The following TMEM40 variants were observed in gnomAD, a reference collection of about 807,000 sequenced individuals.
TMEM40 encodes transmembrane protein 40.
In TMEM40, 34 loss-of-function variants were observed where a neutral mutation model predicts 40.8. That is an observed-to-expected ratio of 0.83 (90% CI 0.63 to 1.11). The LOEUF is 1.11. TMEM40 is among the 50% of genes least tolerant of loss of function. The pLI, the probability that TMEM40 is intolerant of heterozygous loss-of-function variation, is 0.00. For missense variants in TMEM40, 296 were observed against 280.2 expected, an observed-to-expected ratio of 1.06 and a Z score of -0.40; for synonymous variants, 106 against 107.0, an observed-to-expected ratio of 0.99 and a Z score of 0.06.
intron 5 of TMEM40, chr3:12,738,824 C>A: frequency 2.0e-6 from 1 of 489,144 alleles, no homozygotes; most frequent in Admixed American, 3.2e-5. Context: ...GTCAATTTCC[C>A]CAGAGAAGCC....
In TMEM40 at chr3:12,752,810, A is replaced by AG. The variant is rs547680107; in HGVS notation, c.-8-2971_-8-2970insC. ...AGGGCAAGACTCTGTCTCAAAAAAA[A>AG]AAAGAAAGAAAGAAAGAAAGAAACT... On this transcript the variant is annotated intron_variant, in intron 1 of 11. Transcript: ENST00000314124. 3.5e-3 allele frequency among the ~76,000 whole-genome samples: 539 copies of AG among 152,040 alleles called. 4 individuals carry two copies. Among genetic ancestry groups the AG allele is most frequent in the African/African-American group, 0.012 (499 of 41,466 alleles).
In TMEM40 at chr3:12,749,804, G is replaced by T. The variant is rs765614026; in HGVS notation, c.29C>A (p.Pro10His). The T allele has an allele frequency of 5.0e-6, 8 of 1,614,090 alleles. No individual in the cohort carries two copies. Among genetic ancestry groups the T allele is most frequent in the Admixed American group, 1.7e-5 (1 of 60,002 alleles). Residue 10 changes from proline to histidine, a missense_variant, in exon 2 of 12, where the codon CCT becomes CAT. By Grantham distance (77) the Pro-to-His change is moderately conservative. Coordinates refer to ENST00000314124, the MANE Select transcript of TMEM40 (RefSeq NM_018306.4). ...TCTGTGGACTTGACTGTTGTCCTGA[G>T]GCTGGGAGGAGGATGCTGAAGTCTC... METSASSSQPQDNSQVHRET... is the reference protein window; with the variant it reads METSASSSQHQDNSQVHRET...
chr3:12,762,062 G>A (rs540453810), upstream of TMEM40, among the ~76,000 whole-genome samples: 1 of 151,904 alleles, frequency 6.6e-6, no homozygotes, highest in African/African-American at 2.4e-5. Context: ...AAATGGGCTC[G>A]AGTGATCCTC....
rs2061352085 is a variant in TMEM40 at position 12,738,178 on chromosome 3, A to G, written c.392-10T>C. 6.2e-7 allele frequency: 1 copy of G among 1,613,956 alleles called. No individual in the cohort carries two copies. Among genetic ancestry groups the G allele is most frequent in the South Asian group, 1.1e-5 (1 of 90,984 alleles). ...CCTCTCCTTCGGAGTCCTGGAAACA[A>G]GAAACTCAACATTAGTGCCCAACCC... On this transcript the variant is annotated splice_polypyrimidine_tract_variant and intron_variant, in intron 6 of 11. Transcript: ENST00000314124.
intron 1 of TMEM40, among the ~76,000 whole-genome samples, chr3:12,752,208 C>T (rs1317959637): frequency 6.6e-6 from 1 of 152,166 alleles, no homozygotes; most frequent in Admixed American, 6.6e-5. Flanking sequence ...CCTGCCTCAA[C>T]CTTCTGAGTA....
chr3:12,741,947 AT>A (rs1234040959), intron 5 of TMEM40, among the ~76,000 whole-genome samples: 3 of 152,004 alleles, frequency 2.0e-5, no homozygotes, highest in Non-Finnish European at 4.4e-5. Context: ...AATACAAAAA[AT>A]TGGCCGGGCG....
intron 1 of TMEM40, among the ~76,000 whole-genome samples, chr3:12,750,103 T>G (rs752033205): frequency 4.0e-5 from 6 of 151,472 alleles, no homozygotes; most frequent in Non-Finnish European, 8.8e-5. Flanking sequence ...TCAGTTTTTA[T>G]CTGTGCCTGA....
chr3:12,764,728 C>G (rs1167552995), intron 1 of TMEM40, among the ~76,000 whole-genome samples: 1 of 152,170 alleles, frequency 6.6e-6, no homozygotes, highest in Non-Finnish European at 1.5e-5. Flanking sequence ...AGTTGGATCT[C>G]GTTACCTGAG....
At chr3:12,737,173 C>G (rs992954413) in intron 8 of TMEM40, among the ~76,000 whole-genome samples, 1 of 151,632 alleles carries the variant, frequency 6.6e-6, no homozygotes, top group African/African-American at 2.4e-5. Context: ...AGCCACCATG[C>G]CTGGCCTCTT....
chr3:12,747,528 A>T (rs2061438665), intron 3 of TMEM40, among the ~76,000 whole-genome samples: 1 of 152,198 alleles, frequency 6.6e-6, no homozygotes, highest in Non-Finnish European at 1.5e-5. Context: ...TACTACTATA[A>T]ATTCAGCCTC....
At chr3:12,760,809 A>T (rs1317568052), upstream of TMEM40, among the ~76,000 whole-genome samples, 3 of 150,912 alleles carry the variant, frequency 2.0e-5, no homozygotes, top group African/African-American at 7.3e-5. Flanking sequence ...TGGCACGATC[A>T]TCACTCACTG....
intron 3 of TMEM40, 64 bp from the exon 4 acceptor site, chr3:12,744,053 T>C: frequency 6.7e-7 from 1 of 1,503,414 alleles, no homozygotes; most frequent in South Asian, 1.2e-5. Context: ...AATGCGTTCA[T>C]TCTGGTGGCC....
At position 12,739,056 on chromosome 3, in the gene TMEM40, GAC is replaced by G. The variant is rs1364320313; in HGVS notation, c.356-470_356-469del. ...TAGTCCCAGCTACTCGGGAGGCTGA[GAC>G]AGGATAATCGCTCAAACCCAGGAGA... On this transcript the variant is annotated intron_variant, in intron 5 of 11. Transcript: ENST00000314124. 2.9e-3 allele frequency: 468 copies of G among 163,880 alleles called. 1 individual carries two copies. Among genetic ancestry groups the G allele is most frequent in the Non-Finnish European group, 3.3e-3 (250 of 74,646 alleles). 10.2% of individuals were successfully genotyped at this position (163,880 alleles called of 1,614,324 possible).
At chr3:12,739,712 T>C (rs561806433) in intron 5 of TMEM40, among the ~76,000 whole-genome samples, 3 of 152,246 alleles carry the variant, frequency 2.0e-5, no homozygotes, top group South Asian at 2.1e-4. Flanking sequence ...TGAACTACTA[T>C]GCCTAACTTT....
At chr3:12,769,359 C>A in exon 1 of TMEM40, 1 of 254,952 alleles carries the variant, frequency 3.9e-6, no homozygotes, top group Non-Finnish European at 8.9e-6. Flanking sequence ...GAGTGGGCGC[C>A]GAGGCTGAGG....
intron 3 of TMEM40, among the ~76,000 whole-genome samples, chr3:12,747,871 G>A (rs1047130490): frequency 1.3e-4 from 18 of 133,846 alleles, no homozygotes; most frequent in African/African-American, 4.1e-4. Context: ...AGATCACGCC[G>A]CTGCACTCTA....
chr3:12,764,774 C>T (rs1029004060), intron 1 of TMEM40, among the ~76,000 whole-genome samples: 3 of 152,138 alleles, frequency 2.0e-5, no homozygotes, highest in Non-Finnish European at 4.4e-5. Flanking sequence ...TGTCCCTGCA[C>T]CTACTTTAAA....
chr3:12,738,607 A>C lies in TMEM40; in HGVS notation c.356-19T>G. The C allele has an allele frequency of 6.2e-7, 1 of 1,612,300 alleles. No individual in the cohort carries two copies. Among genetic ancestry groups the C allele is most frequent in the African/African-American group, 1.3e-5 (1 of 75,036 alleles). On this transcript the variant is annotated intron_variant, in intron 5 of 11. Transcript: ENST00000314124. ...GGAGCATCTGCACAGAAAGGAAATC[A>C]GTGATCATATACCCATGATCCTCTG...
intron 11 of TMEM40, 76 bp downstream of exon 11, chr3:12,735,479 G>A (rs572061486): frequency 1.4e-6 from 2 of 1,462,948 alleles, no homozygotes; most frequent in African/African-American, 1.4e-5. Flanking sequence ...GTTCTTTCCT[G>A]TATGCTAAGC....
Sources: allele counts gnomAD v4.1 joint callset (sites outside exome capture counted in the v4.1 genomes callset), GRCh38; gene constraint gnomAD v4.1.1; transcripts MANE v1.5; gene names NCBI Gene and HGNC (gene_info 2026-07-23, HGNC 2026-07-21).